ADAP1: variants seen among roughly 807,000 people sequenced by gnomAD.
ADAP1 encodes the protein ArfGAP with dual PH domains 1.
A neutral mutation model predicts 54.9 loss-of-function variants in ADAP1; 31 were observed. The ratio of observed to expected loss-of-function variants is 0.56; its 90% CI spans 0.42 to 0.76. ADAP1 has a LOEUF of 0.76. Among genes scored for constraint, ADAP1 ranks in the 30% least tolerant of loss-of-function variants. The pLI is 0.00. For missense variants in ADAP1, 535 were observed against 512.4 expected, an observed-to-expected ratio of 1.04 and a Z score of -0.42; for synonymous variants, 313 against 202.6, an observed-to-expected ratio of 1.55 and a Z score of -4.63.
In ADAP1 at chr7:900,833, G is replaced by A. The variant is rs550944764; in HGVS notation, c.649-217C>T. 250 of 645,752 alleles carry A rather than the reference G, an allele frequency of 3.9e-4. 1 individual carries two copies. Among genetic ancestry groups the A allele is most frequent in the Non-Finnish European group, 2.7e-4 (95 of 348,064 alleles). 40.0% of individuals were successfully genotyped at this position (645,752 alleles called of 1,614,324 possible). ...CACAGGGGCTGCCCCTCTGCGGGAG[G>A]GCAGGTGCAGCCTCCCCCGGCGAAG... is the stretch of plus-strand genomic sequence containing the variant. On this transcript the variant is annotated intron_variant, in intron 6 of 10. Coordinates refer to ENST00000265846, the MANE Select transcript of ADAP1 (RefSeq NM_006869.4).
In ADAP1 at chr7:900,015, G is replaced by A. The variant is rs565170341; in HGVS notation, c.795+87C>T. ...CCAGACACCAGTTTAAAACACAGGC[G>A]GCAGCTGGCAAGGCTGCTGCACTTC... On this transcript the variant is annotated intron_variant, in intron 8 of 10. Transcript: ENST00000265846. 128 of 1,486,008 alleles carry A rather than the reference G, an allele frequency of 8.6e-5. 1 individual carries two copies. The highest frequency in any genetic ancestry group is 1.6e-4 in the South Asian group (14 of 85,810). 92.1% of individuals were successfully genotyped at this position (1,486,008 alleles called of 1,614,324 possible).
chr7:909,038 C>T (rs569317899), intron 4 of ADAP1, among the ~76,000 whole-genome samples: 11 of 152,346 alleles, frequency 7.2e-5, no homozygotes, highest in Admixed American at 4.6e-4. Flanking sequence ...AGCGCGCAGG[C>T]CGCGGGGTCT....
At chr7:918,546 A>G (rs528979606) in intron 4 of ADAP1, among the ~76,000 whole-genome samples, 90 of 152,270 alleles carry the variant, frequency 5.9e-4, no homozygotes, top group Non-Finnish European at 1.0e-3. Context: ...CTCTTACACA[A>G]GGGCAGTGGG....
chr7:916,537 G>A (rs536020038), intron 4 of ADAP1, among the ~76,000 whole-genome samples: 4 of 152,290 alleles, frequency 2.6e-5, no homozygotes, highest in East Asian at 1.9e-4. Context: ...CGAGGGAAAC[G>A]GAGGGGCTCT....
chr7:920,786 G>C lies in ADAP1; in HGVS notation c.306-736C>G. The C allele has an allele frequency of 6.5e-7, 1 of 1,549,412 alleles. No individual in the cohort carries two copies. The highest frequency in any genetic ancestry group is 8.7e-7 in the Non-Finnish European group (1 of 1,146,508). ...CCTCCCCATCCACCGTGACTCACTC[G>C]AGTGAAGCCAATACCATTGCAGAAA... On this transcript the variant is annotated intron_variant, in intron 3 of 10. Coordinates refer to ENST00000265846, the MANE Select transcript of ADAP1 (RefSeq NM_006869.4). This position sits in a 1 kb window ranked among gnomAD's most constrained non-coding sequence, Gnocchi z 4.5.
In ADAP1 at chr7:945,868, G is replaced by GCGTGTCCCCCAAGC; in HGVS notation, c.82+8514_82+8527dup. The GCGTGTCCCCCAAGC allele has an allele frequency of 1.0e-6, 1 of 981,700 alleles. No homozygotes were observed. The allele number at this position is 981,700 out of a possible 1,614,324, so 60.8% of individuals were successfully genotyped here. On this transcript the variant is annotated intron_variant, in intron 1 of 10. Coordinates refer to ENST00000265846, the MANE Select transcript of ADAP1 (RefSeq NM_006869.4). The surrounding 1 kb of genome is among the most constrained non-coding windows in gnomAD (Gnocchi z 4.2). ...TCTTGGGCGGAGCCAGGTGGGGCAG[G>GCGTGTCCCCCAAGC]CGTGTCCCCCAAGCCAAGGCCCAGG...
At chr7:930,019 G>A (rs200019141) in intron 2 of ADAP1, among the ~76,000 whole-genome samples, 2 of 134,232 alleles carry the variant, frequency 1.5e-5, no homozygotes, top group Non-Finnish European at 3.1e-5. Context: ...TGAGAGGATC[G>A]TTTGAGCCCA....
upstream of ADAP1, chr7:954,735 G>T: frequency 1.0e-6 from 1 of 979,918 alleles, no homozygotes; most frequent in Non-Finnish European, 1.2e-6. Context: ...GCCCGCGGGC[G>T]GCCCCCAGCG....
chr7:905,803 A>AGAAGGGAGAAGGGAGAAGGGAGAAG (rs1845229322), intron 4 of ADAP1, among the ~76,000 whole-genome samples: 1 of 41,856 alleles, frequency 2.4e-5, no homozygotes, highest in Non-Finnish European at 4.6e-5. Context: ...GAAAGGAGAA[A>AGAAGGGAGAAGGGAGAAGGGAGAAG]GGAGAAAGGA....
At chr7:900,674 A>G in intron 6 of ADAP1, 58 bp from the exon 7 acceptor site, 1 of 1,342,948 alleles carries the variant, frequency 7.4e-7, no homozygotes, top group Non-Finnish European at 1.0e-6. Context: ...TGGGGTCCCC[A>G]CAGAGGGGCT....
chr7:905,279 C>CGGACGGGGAGAG, intron 4 of ADAP1, 107 bp from the exon 5 acceptor site: 1 of 342,348 alleles, frequency 2.9e-6, no homozygotes, highest in Non-Finnish European at 4.7e-6. Flanking sequence ...ACACGGGGGA[C>CGGACGGGGAGAG]ACGGACGGGG....
At chr7:950,856 C>CAAAAA (rs34720533) in intron 1 of ADAP1, among the ~76,000 whole-genome samples, 18 of 84,952 alleles carry the variant, frequency 2.1e-4, no homozygotes, top group East Asian at 1.4e-3. Flanking sequence ...GACTCCGTCT[C>CAAAAA]AAAAAAAAAA....
chr7:927,377 C>T, intron 2 of ADAP1: 2 of 637,516 alleles, frequency 3.1e-6, no homozygotes, highest in Admixed American at 2.5e-5. Flanking sequence ...GAGCCTTGAG[C>T]AGCAGGAGGG....
Position 935,387 on chromosome 7 carries a change from C to G in ADAP1, c.201G>C (p.Glu67Asp), listed in dbSNP as rs753057723. 1.3e-6 allele frequency: 2 copies of G among 1,560,118 alleles called. No homozygotes were observed. Among genetic ancestry groups the G allele is most frequent in the Admixed American group, 1.9e-5 (1 of 52,742 alleles). ...TCCCCCTCCGTACCTCCACTTGGGCCTCCTCCCAGGCGTCCAGGCGGACGG... is the reference window on the plus strand; with the variant it reads ...TCCCCCTCCGTACCTCCACTTGGGCGTCCTCCCAGGCGTCCAGGCGGACGG... The part of the protein sequence containing the change: ...VKSVRLDAWE[E>D]AQVEFMASHG... Residue 67 changes from glutamate (E) to aspartate (D), a missense_variant, in exon 2 of 11, where the codon GAG becomes GAC. Transcript: ENST00000265846.
Position 900,592 on chromosome 7 carries a change from G to A in ADAP1, c.673C>T (p.Leu225Phe). 2 of 1,610,690 alleles carry A rather than the reference G, an allele frequency of 1.2e-6. No homozygotes were observed. Among genetic ancestry groups the A allele is most frequent in the Non-Finnish European group, 1.7e-6 (2 of 1,179,186 alleles). ...AGGTAGTGGAAGCGAGCAGCTCGGA[G>A]TGCATTGAACCAGTCCACAATCTCC... ...GKEIVDWFNA[L>F]RAARFHYLQV... The change falls in exon 7 of 11, where the codon CTC becomes TTC. Residue 225 changes from leucine (L) to phenylalanine (F), a missense_variant. By Grantham distance (22) the Leu-to-Phe change is conservative. Transcript: ENST00000265846.
intron 3 of ADAP1, among the ~76,000 whole-genome samples, chr7:921,563 C>T (rs1236813164): frequency 6.6e-6 from 1 of 152,242 alleles, no homozygotes; most frequent in Non-Finnish European, 1.5e-5. Flanking sequence ...AATCCTCCCA[C>T]CTGGGCCTCC....
intron 4 of ADAP1, among the ~76,000 whole-genome samples, chr7:917,625 T>C (rs991625317): frequency 6.6e-6 from 1 of 151,906 alleles, no homozygotes; most frequent in African/African-American, 2.4e-5. Flanking sequence ...CCACCACACC[T>C]GGCTAATTTT....
chr7:901,719 C>T (rs1352000311), intron 6 of ADAP1, among the ~76,000 whole-genome samples: 1 of 151,416 alleles, frequency 6.6e-6, no homozygotes, highest in East Asian at 1.9e-4. Context: ...CCACAAGCCA[C>T]ACCCACGCCA....
At chr7:908,307 G>C (rs1845565003) in intron 4 of ADAP1, among the ~76,000 whole-genome samples, 1 of 152,176 alleles carries the variant, frequency 6.6e-6, no homozygotes, top group African/African-American at 2.4e-5. Context: ...CCCGACACCA[G>C]AGACCAGGGG....
Sources: gnomAD v4.1 joint callset for allele counts (sites outside exome capture counted in the v4.1 genomes callset) on GRCh38, gnomAD v4.1.1 for gene constraint, Gnocchi (gnomAD v3.1) non-coding constraint, MANE v1.5 for transcripts, NCBI Gene and HGNC (gene_info 2026-07-23, HGNC 2026-07-21) for gene names.